The following MBOAT1 variants were observed in gnomAD, a reference collection of about 807,000 sequenced individuals.
The protein encoded by MBOAT1 is membrane-bound glycerophospholipid O-acyltransferase 1.
MBOAT1 carries 67 observed loss-of-function variants against 64.4 expected under a neutral mutation model. The observed-to-expected ratio is 1.04, with a 90% confidence interval of 0.85 to 1.27. The LOEUF (loss-of-function observed/expected upper bound fraction) is 1.27, where lower values mean the gene tolerates loss of function less well. Among genes scored for constraint, MBOAT1 ranks in the 50% most tolerant of loss-of-function variants. The pLI is 0.00. For missense variants in MBOAT1, 563 were observed against 604.6 expected, an observed-to-expected ratio of 0.93 and a Z score of 0.72; for synonymous variants, 229 against 218.9, an observed-to-expected ratio of 1.05 and a Z score of -0.41.
chr6:20,109,618 T>C lies in MBOAT1; in HGVS notation c.1341A>G (p.Glu447=). The change falls in exon 12 of 13, where the codon GAA becomes GAG. Residue 447 remains glutamate, a synonymous_variant. Transcript: ENST00000324607. ...TVAPFVMLAV[E]PTISLYKSMY... ...CTTACTTGTATAAGCTGATGGTCGG[T>C]TCAACTGCCAACATCACAAAGGGTG... 4 of 1,613,346 alleles carry C rather than the reference T, an allele frequency of 2.5e-6. No homozygotes were observed. The Admixed American group carries it at 6.7e-5, about 27-fold the overall frequency.
intron 1 of MBOAT1, among the ~76,000 whole-genome samples, chr6:20,178,932 G>T (rs186751211): frequency 0.018 from 2,604 of 148,018 alleles, 78 homozygotes; most frequent in Admixed American, 0.075. Flanking sequence ...TTTTTAATGG[G>T]TTTTTTTTTT....
chr6:20,204,367 C>A (rs1018400380), intron 1 of MBOAT1, among the ~76,000 whole-genome samples: 24 of 152,336 alleles, frequency 1.6e-4, no homozygotes, highest in African/African-American at 5.8e-4. Flanking sequence ...ACAGATAACT[C>A]ACTAATCTCT....
Position 20,100,719 on chromosome 6 carries a change from G to A in MBOAT1, c.*1567C>T, listed in dbSNP as rs568608283. On this transcript the variant is annotated 3_prime_UTR_variant, in exon 13 of 13. Transcript: ENST00000324607. ...CATCAGAAACATTTCTTTTATATGG[G>A]AACATACTGTTTATTCAATAAGAAA... is the stretch of plus-strand genomic sequence containing the variant. 6.6e-6 allele frequency among the ~76,000 whole-genome samples: 1 copy of A among 152,192 alleles called. No homozygotes were observed. The highest frequency in any genetic ancestry group is 1.9e-4 in the East Asian group (1 of 5,182).
chr6:20,129,318 CTTT>C (rs1475425265), intron 5 of MBOAT1, among the ~76,000 whole-genome samples: 1 of 152,194 alleles, frequency 6.6e-6, no homozygotes, highest in Non-Finnish European at 1.5e-5. Context: ...GAGTTTTCTT[CTTT>C]TTATCATTCG....
chr6:20,200,686 G>A lies in MBOAT1; in HGVS notation c.99+11450C>T, dbSNP rs72826633. ...TGGGTCCCACTGTAAGTAGCACTCC[G>A]GAGTGTCCATATTCCTGGGGAATGT... On this transcript the variant is annotated intron_variant, in intron 1 of 12. Transcript: ENST00000324607. Among the ~76,000 whole-genome samples, 13 of 152,186 alleles carry A rather than the reference G, an allele frequency of 8.5e-5. No individual in the cohort carries two copies. The East Asian group carries it at 1.9e-3, about 23-fold the overall frequency.
intron 1 of MBOAT1, among the ~76,000 whole-genome samples, chr6:20,159,957 A>G (rs545975892): frequency 1.1e-4 from 17 of 152,292 alleles, no homozygotes; most frequent in African/African-American, 3.6e-4. Context: ...CTCAACAATT[A>G]AAGTATTGTG....
chr6:20,149,423 T>C (rs535378807), intron 3 of MBOAT1, among the ~76,000 whole-genome samples: 1 of 152,308 alleles, frequency 6.6e-6, no homozygotes, highest in South Asian at 2.1e-4. Context: ...GTTGGGAATG[T>C]GCTATACAGT....
At chr6:20,108,299 C>T (rs1760019991) in intron 12 of MBOAT1, among the ~76,000 whole-genome samples, 1 of 152,218 alleles carries the variant, frequency 6.6e-6, no homozygotes, top group African/African-American at 2.4e-5. Flanking sequence ...AGCAGCTGAA[C>T]TGAGGGCTTC....
At chr6:20,117,899 T>A (rs191669924) in intron 9 of MBOAT1, among the ~76,000 whole-genome samples, 4 of 152,092 alleles carry the variant, frequency 2.6e-5, no homozygotes, top group Non-Finnish European at 5.9e-5. Flanking sequence ...CCTCTGATAA[T>A]GAGAGCAGAC....
chr6:20,134,871 C>T (rs141025623), intron 4 of MBOAT1, among the ~76,000 whole-genome samples: 2 of 145,462 alleles, frequency 1.4e-5, no homozygotes, highest in East Asian at 4.1e-4. Flanking sequence ...ATTCAGAACA[C>T]ATTTATTGGT....
At chr6:20,192,995 C>CTTTTTTTGTTTTTT in intron 1 of MBOAT1, among the ~76,000 whole-genome samples, 1 of 55,048 alleles carries the variant, frequency 1.8e-5, no homozygotes, top group Non-Finnish European at 3.4e-5. Flanking sequence ...GCTATAATTT[C>CTTTTTTTGTTTTTT]TTTTTTTTTT....
chr6:20,188,613 A>C (rs1469028791), intron 1 of MBOAT1, among the ~76,000 whole-genome samples: 2 of 152,168 alleles, frequency 1.3e-5, no homozygotes, highest in Non-Finnish European at 2.9e-5. Context: ...AAAGCCTTTT[A>C]TAAGAAACTG....
chr6:20,106,691 G>A (rs1759968757), intron 12 of MBOAT1, among the ~76,000 whole-genome samples: 3 of 152,050 alleles, frequency 2.0e-5, no homozygotes, highest in Admixed American at 1.3e-4. Flanking sequence ...CAAAGTGCTG[G>A]GATTACAGGC....
intron 4 of MBOAT1, among the ~76,000 whole-genome samples, chr6:20,143,639 G>C (rs1054879340): frequency 6.6e-6 from 1 of 152,252 alleles, no homozygotes; most frequent in Admixed American, 6.5e-5. Context: ...GGATCAGGAA[G>C]AATAACCAAT....
intron 11 of MBOAT1, among the ~76,000 whole-genome samples, chr6:20,112,007 G>T (rs1760186031): frequency 6.7e-6 from 1 of 150,090 alleles, no homozygotes; most frequent in South Asian, 2.1e-4. Flanking sequence ...TAGGGCTCCT[G>T]AAATCTTCAC....
In MBOAT1 at chr6:20,131,065, A is replaced by G. The variant is rs1391163605; in HGVS notation, c.475+79T>C. The G allele has an allele frequency of 6.4e-6, 8 of 1,259,504 alleles. No homozygotes were observed. The East Asian group carries it at 1.9e-4, about 29-fold the overall frequency. 78.0% of individuals were successfully genotyped at this position (1,259,504 alleles called of 1,614,324 possible). On this transcript the variant is annotated intron_variant, in intron 5 of 12. Transcript: ENST00000324607. ...CTGCCAGCATTTGTCTAAACTTTGG[A>G]CTGTGTACATAGTATAAAAAGAAGA...
At chr6:20,108,512 C>T (rs570314002) in intron 12 of MBOAT1, among the ~76,000 whole-genome samples, 1 of 152,292 alleles carries the variant, frequency 6.6e-6, no homozygotes, top group African/African-American at 2.4e-5. Context: ...CTTTCTATAG[C>T]CTCAAAAAAA....
chr6:20,110,075 A>G (rs1224471621), intron 11 of MBOAT1, among the ~76,000 whole-genome samples: 5 of 151,360 alleles, frequency 3.3e-5, no homozygotes, highest in Non-Finnish European at 7.4e-5. Flanking sequence ...ATGCCCTGCT[A>G]ATTTTTTGTA....
At chr6:20,211,591 C>T (rs1413490385) in intron 1 of MBOAT1, among the ~76,000 whole-genome samples, 2 of 152,150 alleles carry the variant, frequency 1.3e-5, no homozygotes, top group East Asian at 1.9e-4. Flanking sequence ...ATGAGCCAAC[C>T]GAACCCTGGG....
Sources: gnomAD v4.1 joint callset for allele counts (sites outside exome capture counted in the v4.1 genomes callset) on GRCh38, gnomAD v4.1.1 for gene constraint, MANE v1.5 for transcripts, NCBI Gene and HGNC (gene_info 2026-07-23, HGNC 2026-07-21) for gene names.